Variants in DLG1 observed in about 807,000 individuals in gnomAD.
DLG1 encodes the protein disks large homolog 1.
A neutral mutation model predicts 123.4 loss-of-function variants in DLG1; 42 were observed. The ratio of observed to expected loss-of-function variants is 0.34; its 90% CI spans 0.27 to 0.44. DLG1 has a LOEUF of 0.44. Ranked by LOEUF, DLG1 falls within the 20% of genes least tolerant of loss-of-function variation. The pLI is 1.00. For missense variants in DLG1, 942 were observed against 1,082.6 expected (o/e 0.87, Z 1.82); for synonymous variants, 317 against 356.2 (o/e 0.89, Z 1.24).
chr3:197,073,966 T>C (rs1362720520), intron 18 of DLG1, among the ~76,000 whole-genome samples: 2 of 152,162 alleles, frequency 1.3e-5, no homozygotes, highest in Non-Finnish European at 2.9e-5. Context: ...TTAAAGTCTC[T>C]CAAGATTTTG....
chr3:197,097,344 A>G (rs879771104), intron 14 of DLG1, among the ~76,000 whole-genome samples: 1 of 152,136 alleles, frequency 6.6e-6, no homozygotes, highest in Admixed American at 6.6e-5. Context: ...ACTGGTTAAC[A>G]TTGGGCTTCT....
At chr3:197,126,515 C>T (rs1040076235) in intron 11 of DLG1, among the ~76,000 whole-genome samples, 2 of 151,298 alleles carry the variant, frequency 1.3e-5, no homozygotes, top group Non-Finnish European at 2.9e-5. Context: ...ATACTCAATT[C>T]GTGGAACAAC....
intron 5 of DLG1, among the ~76,000 whole-genome samples, chr3:197,151,625 A>G (rs1793897210): frequency 6.6e-6 from 1 of 152,198 alleles, no homozygotes; most frequent in African/African-American, 2.4e-5. Flanking sequence ...CTACATTTGA[A>G]TATTTCTGAA....
intron 18 of DLG1, among the ~76,000 whole-genome samples, chr3:197,073,854 G>A (rs1019039442): frequency 1.3e-5 from 2 of 151,254 alleles, no homozygotes; most frequent in East Asian, 1.9e-4. Flanking sequence ...CAATAGGTTC[G>A]GTTCTCTGGA....
In DLG1 at chr3:197,218,317, G is replaced by A. The variant is rs567867148; in HGVS notation, c.319-23728C>T. ...TCTTTTCTCTAAAACCAATGAGGAA[G>A]CCTAAAAAAAGGCTTCTGCCAGGAG... On this transcript the variant is annotated intron_variant, in intron 4 of 24. Coordinates refer to ENST00000667157, the MANE Select transcript of DLG1 (RefSeq NM_001366207.1). Among the ~76,000 whole-genome samples, 21 of 152,276 alleles carry A rather than the reference G, an allele frequency of 1.4e-4. No homozygotes were observed. The East Asian group carries it at 3.7e-3, about 27-fold the overall frequency.
At chr3:197,189,405 AG>A (rs1365975707) in intron 5 of DLG1, among the ~76,000 whole-genome samples, 3 of 152,222 alleles carry the variant, frequency 2.0e-5, no homozygotes, top group African/African-American at 4.8e-5. Flanking sequence ...AGTTTACAAT[AG>A]GAAAAAACAT....
At chr3:197,077,170 T>A (rs1386449490) in intron 17 of DLG1, among the ~76,000 whole-genome samples, 1 of 151,982 alleles carries the variant, frequency 6.6e-6, no homozygotes, top group Non-Finnish European at 1.5e-5. Context: ...AAAGTCATTA[T>A]TTAAAAAGTA....
chr3:197,298,498 G>A (rs1778564634), intron 1 of DLG1, 38 bp downstream of exon 1: 1 of 398,550 alleles, frequency 2.5e-6, no homozygotes, highest in African/African-American at 2.1e-5. Flanking sequence ...CTGAAGAGAG[G>A]CGTGACCTCG....
chr3:197,222,800 C>A (rs1164427498), intron 4 of DLG1, among the ~76,000 whole-genome samples: 1 of 152,204 alleles, frequency 6.6e-6, no homozygotes, highest in African/African-American at 2.4e-5. Context: ...GATTCTCTCA[C>A]TTCAATTACT....
chr3:197,124,217 T>A (rs1420806838), intron 11 of DLG1, among the ~76,000 whole-genome samples: 3 of 152,190 alleles, frequency 2.0e-5, no homozygotes, highest in Admixed American at 2.0e-4. Flanking sequence ...AGCAGCTGAG[T>A]GAGATCCTGT....
intron 23 of DLG1, among the ~76,000 whole-genome samples, chr3:197,057,366 G>A (rs1167104710): frequency 6.6e-6 from 1 of 152,194 alleles, no homozygotes; most frequent in Non-Finnish European, 1.5e-5. Context: ...ACAGGTGTGA[G>A]CCGCCGCACC....
At position 197,296,227 on chromosome 3, in the gene DLG1, G is replaced by A. The variant is rs1777292534; in HGVS notation, c.151+119C>T. 1.0e-5 allele frequency: 10 copies of A among 990,184 alleles called. 1 individual carries two copies. In the South Asian group the frequency reaches 1.5e-4, roughly 14 times the overall value. 61.3% of individuals were successfully genotyped at this position (990,184 alleles called of 1,614,324 possible). On this transcript the variant is annotated intron_variant, in intron 3 of 24. Transcript: ENST00000667157. The stretch of plus-strand genomic sequence containing the variant: ...GAAAAACACACAACTCACTGAAGAT[G>A]TTCAAGTTACCGAATGCCTCAGAGA...
intron 4 of DLG1, 145 bp from the exon 5 acceptor site, chr3:197,194,734 G>T: frequency 4.2e-6 from 2 of 471,500 alleles, no homozygotes; most frequent in Non-Finnish European, 3.6e-6. Context: ...CAGAGAAATA[G>T]GATTTTACTT....
chr3:197,130,554 C>T lies in DLG1; in HGVS notation c.1138G>A (p.Gly380Ser), dbSNP rs1220046530. Residue 380 changes from glycine (G) to serine (S), a missense_variant, in exon 11 of 25, where the codon GGC becomes AGC. Gly to Ser is a moderately conservative substitution (Grantham distance 56). Transcript: ENST00000667157. ...AKPTSMYMND[G>S]YAPPDITNSS... ...TTGGTGATATCAGGTGGTGCATAGC[C>T]ATCATTCATATACATACTTGTGGGT... The T allele has an allele frequency of 6.2e-7, 1 of 1,609,276 alleles. No homozygotes were observed. Among genetic ancestry groups the T allele is most frequent in the African/African-American group, 1.3e-5 (1 of 74,742 alleles).
At chr3:197,092,242 G>A (rs538777843) in intron 14 of DLG1, among the ~76,000 whole-genome samples, 18 of 152,206 alleles carry the variant, frequency 1.2e-4, no homozygotes, top group African/African-American at 4.1e-4. Context: ...GAAAAATTAG[G>A]ACCACTGGGT....
intron 5 of DLG1, among the ~76,000 whole-genome samples, chr3:197,170,689 T>C (rs767617410): frequency 6.6e-6 from 1 of 152,216 alleles, no homozygotes; most frequent in African/African-American, 2.4e-5. Context: ...CTGTAGGTTA[T>C]CTGTTCACTC....
intron 16 of DLG1, 92 bp from the exon 17 acceptor site, chr3:197,081,209 AT>A: frequency 8.6e-7 from 1 of 1,164,210 alleles, no homozygotes; most frequent in Non-Finnish European, 1.2e-6. Flanking sequence ...TATAATGGGC[AT>A]TTTTATACTC....
chr3:197,265,610 GA>G, intron 4 of DLG1, among the ~76,000 whole-genome samples: 1 of 152,276 alleles, frequency 6.6e-6, no homozygotes, highest in Non-Finnish European at 1.5e-5. Context: ...TGCATGTAAG[GA>G]AACTTCAAGG....
At chr3:197,055,289 A>C (rs756771143) in intron 23 of DLG1, among the ~76,000 whole-genome samples, 6 of 152,144 alleles carry the variant, frequency 3.9e-5, no homozygotes, top group Non-Finnish European at 7.4e-5. Context: ...CTTTTAGCTC[A>C]TTTAGTATCT....
Sources: gnomAD v4.1 joint callset for allele counts (sites outside exome capture counted in the v4.1 genomes callset) on GRCh38, gnomAD v4.1.1 for gene constraint, MANE v1.5 for transcripts, NCBI Gene and HGNC (gene_info 2026-07-23, HGNC 2026-07-21) for gene names.